WDR41: variants seen among roughly 807,000 people sequenced by gnomAD.
WDR41 encodes WD repeat domain 41.
Under a neutral mutation model 69.3 loss-of-function variants are expected in WDR41, and 63 were observed. The ratio of observed to expected loss-of-function variants is 0.91; its 90% CI spans 0.74 to 1.12. WDR41 has a LOEUF of 1.12. Among genes scored for constraint, WDR41 ranks in the 50% most tolerant of loss-of-function variants. The probability of loss-of-function intolerance (pLI) is 0.00; values close to 1 mark genes in which losing one functional copy is unlikely to be tolerated. For synonymous variants in WDR41, 185 were observed against 192.1 expected, an observed-to-expected ratio of 0.96 and a Z score of 0.31; for missense variants, 543 against 534.5, an observed-to-expected ratio of 1.02 and a Z score of -0.16.
intron 1 of WDR41, among the ~76,000 whole-genome samples, chr5:77,522,533 A>G (rs1286834332): frequency 2.0e-5 from 3 of 152,040 alleles, no homozygotes; most frequent in African/African-American, 4.8e-5. Context: ...CCATCTACTC[A>G]GGAGGCTAAG....
chr5:77,521,962 A>T (rs1430694066), intron 1 of WDR41, among the ~76,000 whole-genome samples: 2 of 152,206 alleles, frequency 1.3e-5, no homozygotes, highest in South Asian at 4.1e-4. Flanking sequence ...CTTCAGCTTG[A>T]ATCCTGGTTG....
At chr5:77,520,910 G>A (rs941682084) in intron 1 of WDR41, among the ~76,000 whole-genome samples, 4 of 152,106 alleles carry the variant, frequency 2.6e-5, no homozygotes, top group African/African-American at 7.2e-5. Flanking sequence ...CTCTTCAGCC[G>A]TCATAAGTAT....
chr5:77,603,437 T>C (rs544410481), intron 1 of WDR41, among the ~76,000 whole-genome samples: 1 of 152,360 alleles, frequency 6.6e-6, no homozygotes, highest in Non-Finnish European at 1.5e-5. Flanking sequence ...GTTTTTACTA[T>C]TGAGCTGTTT....
intron 1 of WDR41, among the ~76,000 whole-genome samples, chr5:77,558,028 G>A (rs1268538313): frequency 1.4e-5 from 2 of 144,582 alleles, no homozygotes; most frequent in Non-Finnish European, 3.0e-5. Flanking sequence ...CCCCACGTCA[G>A]TGTAATGATT....
intron 11 of WDR41, 52 bp downstream of exon 11, chr5:77,437,284 A>C: frequency 1.4e-6 from 2 of 1,458,068 alleles, no homozygotes; most frequent in South Asian, 2.3e-5. Context: ...CCTGCCTTTC[A>C]CGTGAGAAAA....
At chr5:77,488,867 T>C (rs1163026114) in intron 2 of WDR41, among the ~76,000 whole-genome samples, 2 of 152,216 alleles carry the variant, frequency 1.3e-5, no homozygotes, top group African/African-American at 2.4e-5. Flanking sequence ...ATAAAAGATA[T>C]ACAGTTGAAT....
chr5:77,499,357 G>C (rs1328006302), intron 1 of WDR41: 6 of 152,252 alleles, frequency 3.9e-5, no homozygotes, highest in African/African-American at 1.4e-4. Context: ...TGCAGGAAGA[G>C]GAACTCCCAA....
At chr5:77,499,878 C>T (rs1304042773) in intron 1 of WDR41, among the ~76,000 whole-genome samples, 1 of 151,956 alleles carries the variant, frequency 6.6e-6, no homozygotes, top group African/African-American at 2.4e-5. Flanking sequence ...ACTGTAAAGG[C>T]ATTAAAACTG....
chr5:77,546,367 C>T (rs1387486338), intron 1 of WDR41: 1 of 214,390 alleles, frequency 4.7e-6, no homozygotes, highest in African/African-American at 2.4e-5. Flanking sequence ...ATCGATGGAC[C>T]ATTAGCAAGA....
At chr5:77,570,142 A>T (rs545814176) in intron 1 of WDR41, among the ~76,000 whole-genome samples, 70 of 152,238 alleles carry the variant, frequency 4.6e-4, no homozygotes, top group African/African-American at 1.6e-3. Flanking sequence ...TCTCCAACAC[A>T]GCTATTTGAT....
intron 2 of WDR41, among the ~76,000 whole-genome samples, chr5:77,478,453 AG>A (rs1346383072): frequency 6.6e-6 from 1 of 152,216 alleles, no homozygotes; most frequent in African/African-American, 2.4e-5. Context: ...CGAATCCAGC[AG>A]CACATCAAAA....
intron 1 of WDR41, among the ~76,000 whole-genome samples, chr5:77,592,672 G>A (rs1425255698): frequency 6.6e-6 from 1 of 152,142 alleles, no homozygotes; most frequent in African/African-American, 2.4e-5. Context: ...AGGAAACCAG[G>A]ATTCCTCTTT....
intron 1 of WDR41, among the ~76,000 whole-genome samples, chr5:77,562,958 C>G: frequency 6.6e-6 from 1 of 152,102 alleles, no homozygotes; most frequent in East Asian, 1.9e-4. Context: ...TTTGTGCATT[C>G]CTTAGTTATT....
At position 77,440,803 on chromosome 5, in the gene WDR41, C is replaced by A; in HGVS notation, c.882+10G>T. ...AAGGCAAGTTTATAGATAGTGTATA[C>A]ATTTTTTACCTCTTCATCACATGTG... On this transcript the variant is annotated intron_variant, in intron 9 of 12. Transcript: ENST00000296679. The A allele has an allele frequency of 6.2e-7, 1 of 1,613,382 alleles. No homozygotes were observed. The highest frequency in any genetic ancestry group is 1.1e-5 in the South Asian group (1 of 91,030).
chr5:77,595,161 T>C (rs1478195069), intron 1 of WDR41, among the ~76,000 whole-genome samples: 1 of 152,172 alleles, frequency 6.6e-6, no homozygotes, highest in Non-Finnish European at 1.5e-5. Flanking sequence ...TTCTTCGTGC[T>C]TCATTTGCTA....
intron 1 of WDR41, among the ~76,000 whole-genome samples, chr5:77,583,944 C>A (rs553749709): frequency 6.6e-6 from 1 of 152,182 alleles, no homozygotes; most frequent in South Asian, 2.1e-4. Flanking sequence ...ACTTGACTTC[C>A]CAAAATCAAT....
At chr5:77,538,225 A>T (rs1470211304) in intron 1 of WDR41, among the ~76,000 whole-genome samples, 1 of 152,130 alleles carries the variant, frequency 6.6e-6, no homozygotes, top group Non-Finnish European at 1.5e-5. Context: ...GACCTGTTTC[A>T]TTTAAGATAA....
chr5:77,451,405 CA>C, intron 6 of WDR41, 52 bp from the exon 7 acceptor site: 1 of 1,512,630 alleles, frequency 6.6e-7, no homozygotes, highest in Non-Finnish European at 9.1e-7. Context: ...CAGATTATAT[CA>C]AAAACAAAAA....
At chr5:77,456,721 A>C (rs335600) in intron 5 of WDR41, among the ~76,000 whole-genome samples, 85,433 of 151,862 alleles carry the variant, frequency 0.56, 24,563 homozygotes, top group African/African-American at 0.68. Flanking sequence ...ATTTTTTTTG[A>C]GACAGGGTCT....
Sources: gnomAD v4.1 joint callset for allele counts (sites outside exome capture counted in the v4.1 genomes callset) on GRCh38, gnomAD v4.1.1 for gene constraint, MANE v1.5 for transcripts, NCBI Gene and HGNC (gene_info 2026-07-23, HGNC 2026-07-21) for gene names.